PCDHA7: variants seen among roughly 807,000 people sequenced by gnomAD.
PCDHA7 encodes protocadherin alpha-7.
PCDHA7 carries 37 observed loss-of-function variants against 57.2 expected under a neutral mutation model. The observed-to-expected ratio is 0.65, with a 90% CI of 0.50 to 0.85. The LOEUF is 0.85. Ranked by LOEUF, PCDHA7 falls within the 40% of genes least tolerant of loss-of-function variation. The probability of loss-of-function intolerance (pLI) is 0.00; values close to 1 mark genes in which losing one functional copy is unlikely to be tolerated. For missense variants in PCDHA7, 1,188 were observed against 1,241.8 expected (o/e 0.96, Z 0.65); for synonymous variants, 553 against 558.8 (o/e 0.99, Z 0.15).
intron 1 of PCDHA7, among the ~76,000 whole-genome samples, chr5:140,921,888 AAGG>A (rs1354196773): frequency 2.0e-5 from 3 of 152,090 alleles, no homozygotes; most frequent in African/African-American, 7.2e-5. Flanking sequence ...AGATTTTAGA[AAGG>A]AGGATAAATA....
intron 1 of PCDHA7, chr5:140,841,298 T>C (rs1554138068): frequency 6.4e-7 from 1 of 1,567,044 alleles, no homozygotes; most frequent in Admixed American, 2.0e-5. Flanking sequence ...GATAATATTT[T>C]CTGATAGGAA....
At chr5:140,995,317 C>T (rs1554254587) in intron 3 of PCDHA7, among the ~76,000 whole-genome samples, 1 of 152,118 alleles carries the variant, frequency 6.6e-6, no homozygotes, top group Non-Finnish European at 1.5e-5. Flanking sequence ...TCTAAGTGAA[C>T]TAACAGGTGA....
At chr5:140,859,607 C>G (rs1218189350) in intron 1 of PCDHA7, 2 of 161,864 alleles carry the variant, frequency 1.2e-5, no homozygotes, top group Non-Finnish European at 2.7e-5. Flanking sequence ...TTACTTTTTT[C>G]TTTCCTTTCT....
intron 1 of PCDHA7, chr5:140,884,339 G>A (rs1178682525): frequency 6.2e-7 from 1 of 1,613,788 alleles, no homozygotes; most frequent in Non-Finnish European, 8.5e-7. Context: ...GGGTCCAGAA[G>A]CGGCGCTGGT....
chr5:140,944,133 G>C (rs1051812384), intron 1 of PCDHA7, among the ~76,000 whole-genome samples: 2 of 152,134 alleles, frequency 1.3e-5, no homozygotes, highest in Non-Finnish European at 2.9e-5. Context: ...AGAAAAGGTT[G>C]AAGATTAGAA....
intron 1 of PCDHA7, among the ~76,000 whole-genome samples, chr5:140,970,086 G>T (rs1263388270): frequency 6.6e-6 from 1 of 152,102 alleles, no homozygotes; most frequent in Non-Finnish European, 1.5e-5. Flanking sequence ...TTAGGGGTGT[G>T]GGGGGATGGT....
intron 1 of PCDHA7, among the ~76,000 whole-genome samples, chr5:140,919,250 T>G (rs1471325437): frequency 6.6e-6 from 1 of 152,236 alleles, no homozygotes; most frequent in African/African-American, 2.4e-5. Flanking sequence ...TTGTCTGTTT[T>G]GTCTGATATT....
At chr5:140,863,232 G>C in intron 1 of PCDHA7, 1 of 1,230,740 alleles carries the variant, frequency 8.1e-7, no homozygotes, top group Non-Finnish European at 1.1e-6. Context: ...AGGTCCCATC[G>C]CGGGCTTTGG....
intron 1 of PCDHA7, among the ~76,000 whole-genome samples, chr5:140,874,119 G>C (rs1256177133): frequency 6.6e-6 from 1 of 152,064 alleles, no homozygotes; most frequent in Non-Finnish European, 1.5e-5. Flanking sequence ...ACGTTTTATA[G>C]TTTATTTAAG....
At chr5:140,981,327 A>C (rs1330138417) in intron 2 of PCDHA7, among the ~76,000 whole-genome samples, 1 of 152,196 alleles carries the variant, frequency 6.6e-6, no homozygotes, top group Non-Finnish European at 1.5e-5. Context: ...TAATCCCAGC[A>C]CTTTGGGAGG....
intron 3 of PCDHA7, among the ~76,000 whole-genome samples, chr5:141,004,729 T>A (rs782339918): frequency 6.6e-6 from 1 of 152,144 alleles, no homozygotes; most frequent in African/African-American, 2.4e-5. Context: ...TTAAATACAT[T>A]TCTCTCTTTT....
intron 1 of PCDHA7, among the ~76,000 whole-genome samples, chr5:140,922,406 G>C (rs1411149387): frequency 9.8e-5 from 15 of 152,288 alleles, no homozygotes; most frequent in African/African-American, 3.6e-4. Flanking sequence ...GGATTAAAAA[G>C]ATCTAGGTAC....
At chr5:140,887,256 C>T (rs1554182988) in intron 1 of PCDHA7, among the ~76,000 whole-genome samples, 1 of 152,002 alleles carries the variant, frequency 6.6e-6, no homozygotes, top group African/African-American at 2.4e-5. Context: ...GCCACCACGC[C>T]CTGCTAATTT....
chr5:141,010,274 T>C lies in PCDHA7; in HGVS notation c.*337T>C, dbSNP rs1554262865. On this transcript the variant is annotated 3_prime_UTR_variant, in exon 4 of 4. Coordinates refer to ENST00000525929, the MANE Select transcript of PCDHA7 (RefSeq NM_018910.3). ...TCTGCCCTGTGCTCCGGGGATCCTG[T>C]CTTGATGACACTTGCAGGGCAGGCT... is the stretch of plus-strand genomic sequence containing the variant. The C allele has an allele frequency of 6.4e-7, 1 of 1,551,424 alleles. No homozygotes were observed. Among genetic ancestry groups the C allele is most frequent in the Admixed American group, 2.0e-5 (1 of 50,930 alleles).
intron 1 of PCDHA7, among the ~76,000 whole-genome samples, chr5:140,933,127 A>G (rs1311388252): frequency 6.6e-6 from 1 of 151,992 alleles, no homozygotes; most frequent in East Asian, 1.9e-4. Flanking sequence ...AAGCTAAATA[A>G]TAAAGGTAGA....
Position 140,850,710 on chromosome 5 carries a change from C to T in PCDHA7, c.2355+13972C>T, listed in dbSNP as rs149535933. The T allele has an allele frequency of 3.1e-6, 5 of 1,597,920 alleles. No homozygotes were observed. The African/African-American group carries it at 6.7e-5, about 22-fold the overall frequency. On this transcript the variant is annotated intron_variant, in intron 1 of 3. Coordinates refer to ENST00000525929, the MANE Select transcript of PCDHA7 (RefSeq NM_018910.3). ...CGAGTGCGCGCCTGGCAAGCCGACG[C>T]TGGTGTGTTCTAGCGCGGTGGGGAG... is the stretch of plus-strand genomic sequence containing the variant.
chr5:140,963,348 T>C (rs1415746589), intron 1 of PCDHA7, among the ~76,000 whole-genome samples: 7 of 152,234 alleles, frequency 4.6e-5, no homozygotes, highest in Admixed American at 4.6e-4. Context: ...GTAAATTTAG[T>C]TCTTTTCAAA....
In PCDHA7 at chr5:140,836,085, C is replaced by T; in HGVS notation, c.1702C>T (p.Pro568Ser). The part of the protein sequence containing the change: ...ENDNAPALLA[P>S]RVGGTGGAVR... Reference sequence around the variant, plus strand: ...CGACAACGCGCCGGCACTGCTGGCGCCTCGGGTGGGTGGCACTGGTGGCGC... The same window carrying T: ...CGACAACGCGCCGGCACTGCTGGCGTCTCGGGTGGGTGGCACTGGTGGCGC... The change falls in exon 1 of 4, where the codon CCT (proline) becomes TCT (serine). Residue 568 changes from proline to serine, a missense_variant. Around this residue, in one of 3 missense-constraint regions of PCDHA7, gnomAD observed 892 missense variants for 788.5 expected, o/e 1.13. Coordinates refer to ENST00000525929, the MANE Select transcript of PCDHA7 (RefSeq NM_018910.3). 1 of 1,613,676 alleles carries T rather than the reference C, an allele frequency of 6.2e-7. No individual in the cohort carries two copies. Among genetic ancestry groups the T allele is most frequent in the South Asian group, 1.1e-5 (1 of 91,070 alleles).
At chr5:140,960,548 A>G (rs73793541) in intron 1 of PCDHA7, among the ~76,000 whole-genome samples, 2,047 of 152,290 alleles carry the variant, frequency 0.013, 37 homozygotes, top group African/African-American at 0.047. Context: ...TGGCCTTCAT[A>G]TAGACTGAGC....
Sources: allele counts gnomAD v4.1 joint callset (sites outside exome capture counted in the v4.1 genomes callset), GRCh38; gene constraint gnomAD v4.1.1; regional missense constraint gnomAD v4.1.1; transcripts MANE v1.5; gene names NCBI Gene and HGNC (gene_info 2026-07-23, HGNC 2026-07-21).